Variants in AKAP6 observed in about 807,000 individuals in gnomAD.
The protein encoded by AKAP6 is A-kinase anchor protein 6.
AKAP6 carries 58 observed loss-of-function variants against 188.5 expected under a neutral mutation model. The observed-to-expected ratio is 0.31, with a 90% CI of 0.25 to 0.38. The LOEUF is 0.38. Among genes scored for constraint, AKAP6 ranks in the 10% least tolerant of loss-of-function variants. The probability of loss-of-function intolerance (pLI) is 1.00; values close to 1 mark genes in which losing one functional copy is unlikely to be tolerated. For synonymous variants in AKAP6, 989 were observed against 998.6 expected, an observed-to-expected ratio of 0.99 and a Z score of 0.18; for missense variants, 2,710 against 2,740.0, an observed-to-expected ratio of 0.99 and a Z score of 0.24.
At chr14:32,731,329 A>G (rs1475568560) in intron 9 of AKAP6, among the ~76,000 whole-genome samples, 1 of 151,958 alleles carries the variant, frequency 6.6e-6, no homozygotes, top group Admixed American at 6.6e-5. Context: ...TTTGTTTGGG[A>G]TCTTATATAA....
chr14:32,757,690 A>G (rs942618517), intron 11 of AKAP6, among the ~76,000 whole-genome samples: 11 of 152,372 alleles, frequency 7.2e-5, no homozygotes, highest in African/African-American at 2.2e-4. Flanking sequence ...GGTGAGCCAT[A>G]TATAGTCCTC....
chr14:32,651,229 C>A (rs1038485448), intron 7 of AKAP6, among the ~76,000 whole-genome samples: 1 of 152,152 alleles, frequency 6.6e-6, no homozygotes, highest in Non-Finnish European at 1.5e-5. Flanking sequence ...GCTCACTCCT[C>A]CACATTCCCA....
At chr14:32,483,419 A>C (rs1879469298) in intron 2 of AKAP6, among the ~76,000 whole-genome samples, 1 of 88,618 alleles carries the variant, frequency 1.1e-5, no homozygotes, top group South Asian at 5.9e-4. Context: ...TAGGAATGTA[A>C]AACAGTTTTA....
Position 32,822,054 on chromosome 14 carries a change from C to T in AKAP6, c.4241C>T (p.Thr1414Ile), listed in dbSNP as rs765926332. The T allele has an allele frequency of 6.2e-7, 1 of 1,613,932 alleles. No homozygotes were observed. The highest frequency in any genetic ancestry group is 8.5e-7 in the Non-Finnish European group (1 of 1,179,942). ...GTTAACGTGTTAAAGCAAAAATTTA[C>T]AGATGAGGGGGAAAGCATTAAGCTT... ...DAVNVLKQKF[T>I]DEGESIKLPN... The change falls in exon 13 of 14, where the codon ACA becomes ATA. Residue 1414 changes from threonine to isoleucine, a missense_variant. By Grantham distance (89) the Thr-to-Ile change is moderately conservative. Around this residue, in one of 2 missense-constraint regions of AKAP6, gnomAD observed 2,473 missense variants for 2,426.1 expected, o/e 1.02. Transcript: ENST00000280979.
chr14:32,521,512 C>A (rs1881832008), intron 2 of AKAP6, among the ~76,000 whole-genome samples: 1 of 152,120 alleles, frequency 6.6e-6, no homozygotes, highest in Admixed American at 6.5e-5. Context: ...AATCAATGTG[C>A]AAAAATCACA....
intron 1 of AKAP6, among the ~76,000 whole-genome samples, chr14:32,367,114 C>A (rs1887860898): frequency 6.6e-6 from 1 of 152,138 alleles, no homozygotes; most frequent in Admixed American, 6.5e-5. Flanking sequence ...GTGGTCTACT[C>A]CCCTGGACTG....
chr14:32,595,317 C>T (rs996919231), intron 5 of AKAP6, among the ~76,000 whole-genome samples: 3 of 151,956 alleles, frequency 2.0e-5, no homozygotes, highest in Admixed American at 6.6e-5. Flanking sequence ...CTGCTTGCAC[C>T]CTGCCCCAGC....
chr14:32,693,112 A>G (rs1463457154), intron 8 of AKAP6, among the ~76,000 whole-genome samples: 2 of 152,164 alleles, frequency 1.3e-5, no homozygotes, highest in African/African-American at 4.8e-5. Context: ...CCCTGGCTTA[A>G]CACAGTGCTT....
intron 7 of AKAP6, among the ~76,000 whole-genome samples, chr14:32,623,954 G>T (rs1886912922): frequency 6.6e-6 from 1 of 152,076 alleles, no homozygotes; most frequent in Non-Finnish European, 1.5e-5. Flanking sequence ...TCAGCAAATG[G>T]GTTGGTTTGT....
chr14:32,571,614 G>A (rs984237803), intron 4 of AKAP6, among the ~76,000 whole-genome samples: 1 of 152,168 alleles, frequency 6.6e-6, no homozygotes, highest in African/African-American at 2.4e-5. Context: ...CTGTGTGGAG[G>A]CAGCTAACTC....
chr14:32,413,113 G>T (rs1161147527), intron 1 of AKAP6, among the ~76,000 whole-genome samples: 1 of 150,288 alleles, frequency 6.7e-6, no homozygotes, highest in Non-Finnish European at 1.5e-5. Context: ...AAGATGTTAT[G>T]TAAGAATAGC....
intron 7 of AKAP6, among the ~76,000 whole-genome samples, chr14:32,636,462 A>G (rs1237894419): frequency 1.3e-5 from 2 of 152,208 alleles, no homozygotes; most frequent in Non-Finnish European, 2.9e-5. Flanking sequence ...GTTCTTCTAT[A>G]TAGATAGGTG....
rs575732409 is a variant in AKAP6 at position 32,399,863 on chromosome 14, A to T, written c.-34-33597A>T. On this transcript the variant is annotated intron_variant, in intron 1 of 13. Coordinates refer to ENST00000280979, the MANE Select transcript of AKAP6 (RefSeq NM_004274.5). Reference sequence around the variant, plus strand: ...TCTTCCTGATAATTCTATTATGTGAAGTTCATATTTTGCTGTTTTCTGCTG... The same window carrying T: ...TCTTCCTGATAATTCTATTATGTGATGTTCATATTTTGCTGTTTTCTGCTG... Among the ~76,000 whole-genome samples, 5 of 152,190 alleles carry T rather than the reference A, an allele frequency of 3.3e-5. No homozygotes were observed. In the South Asian group the frequency reaches 1.0e-3, roughly 32 times the overall value.
At chr14:32,450,667 A>C (rs1044447877) in intron 2 of AKAP6, among the ~76,000 whole-genome samples, 1 of 152,194 alleles carries the variant, frequency 6.6e-6, no homozygotes, top group African/African-American at 2.4e-5. Context: ...CATCAGTTAT[A>C]ATATCATTTT....
At chr14:32,498,456 G>A (rs1880439455) in intron 2 of AKAP6, among the ~76,000 whole-genome samples, 1 of 152,036 alleles carries the variant, frequency 6.6e-6, no homozygotes, top group Admixed American at 6.6e-5. Flanking sequence ...ATATCAATAT[G>A]TATATCAACA....
At chr14:32,770,885 A>G (rs1396042799) in intron 11 of AKAP6, among the ~76,000 whole-genome samples, 1 of 152,210 alleles carries the variant, frequency 6.6e-6, no homozygotes, top group East Asian at 1.9e-4. Flanking sequence ...AGTGCAGTAC[A>G]CATTTGAGGA....
chr14:32,361,677 A>G (rs1055094826), intron 1 of AKAP6, among the ~76,000 whole-genome samples: 3 of 152,178 alleles, frequency 2.0e-5, no homozygotes, highest in African/African-American at 7.2e-5. Flanking sequence ...ATTGGTTTTT[A>G]TTAAAGTTGC....
chr14:32,763,974 A>G (rs10133046), intron 11 of AKAP6, among the ~76,000 whole-genome samples: 26,011 of 152,128 alleles, frequency 0.17, 3,852 homozygotes, highest in African/African-American at 0.41. Context: ...TATTTGCAAC[A>G]TTTATATGCA....
At chr14:32,535,913 G>A in intron 3 of AKAP6, 108 bp downstream of exon 3, 1 of 1,459,102 alleles carries the variant, frequency 6.9e-7, no homozygotes, top group Non-Finnish European at 9.2e-7. Flanking sequence ...AAATAAGCAG[G>A]CCCTGATGGG....
Sources: gnomAD v4.1 joint callset for allele counts (sites outside exome capture counted in the v4.1 genomes callset) on GRCh38, gnomAD v4.1.1 for gene constraint, gnomAD v4.1.1 regional missense constraint, MANE v1.5 for transcripts, NCBI Gene and HGNC (gene_info 2026-07-23, HGNC 2026-07-21) for gene names.